Variants in WDR41 observed in about 807,000 individuals in gnomAD.
WDR41 encodes the protein WD repeat domain 41.
In WDR41, 63 loss-of-function variants were observed where a neutral mutation model predicts 69.3. That is an observed-to-expected ratio of 0.91 (90% CI 0.74 to 1.12). The LOEUF (loss-of-function observed/expected upper bound fraction) is 1.12, where lower values mean the gene tolerates loss of function less well. WDR41 is among the 50% of genes most tolerant of loss of function. The probability of loss-of-function intolerance (pLI) is 0.00; values close to 1 mark genes in which losing one functional copy is unlikely to be tolerated. For synonymous variants in WDR41, 185 were observed against 192.1 expected, an observed-to-expected ratio of 0.96 and a Z score of 0.31; for missense variants, 543 against 534.5, an observed-to-expected ratio of 1.02 and a Z score of -0.16.
intron 1 of WDR41, among the ~76,000 whole-genome samples, chr5:77,508,700 A>C (rs1461555832): frequency 6.6e-6 from 1 of 152,118 alleles, no homozygotes. Flanking sequence ...ATTGTTTGAC[A>C]CTAGATACTT....
chr5:77,606,914 A>G (rs1323331867), intron 1 of WDR41, among the ~76,000 whole-genome samples: 1 of 151,744 alleles, frequency 6.6e-6, no homozygotes, highest in Non-Finnish European at 1.5e-5. Context: ...AGAAAAAAAA[A>G]AAAAAAAAGC....
intron 1 of WDR41, chr5:77,583,059 A>G: frequency 1.9e-6 from 3 of 1,596,012 alleles, no homozygotes; most frequent in Non-Finnish European, 2.5e-6. Flanking sequence ...CCCATTTTGT[A>G]GAAGGTAGAG....
In WDR41 at chr5:77,516,657, T is replaced by G. The variant is rs540663548; in HGVS notation, c.43-27085A>C. On this transcript the variant is annotated intron_variant, in intron 1 of 5. Coordinates refer to the WDR41 transcript ENST00000509971. ...TTATGACCCAAGACAATAGCACCTATGTTCAAACAGCAGAATTGATGAAGG... is the reference window on the plus strand; with the variant it reads ...TTATGACCCAAGACAATAGCACCTAGGTTCAAACAGCAGAATTGATGAAGG... Among the ~76,000 whole-genome samples the G allele has an allele frequency of 2.0e-5, 3 of 152,326 alleles. No homozygotes were observed. In the South Asian group the frequency reaches 6.2e-4, roughly 32 times the overall value.
At chr5:77,461,099 G>T (rs1365520779) in intron 4 of WDR41, among the ~76,000 whole-genome samples, 1 of 152,096 alleles carries the variant, frequency 6.6e-6, no homozygotes, top group Non-Finnish European at 1.5e-5. Flanking sequence ...TCAAAATATT[G>T]CTATAGTGTC....
rs1267988199 is a variant in WDR41, at chr5:77,520,160, G to T, written c.43-30588C>A. 3.9e-5 allele frequency among the ~76,000 whole-genome samples: 6 copies of T among 152,000 alleles called. No individual in the cohort carries two copies. The South Asian group carries it at 1.2e-3, about 32-fold the overall frequency. Reference sequence around the variant, plus strand: ...TCTGACAGAGTTCCAGGCCCATTTAGAATGGATTGATTAAATAAAATTAAT... The same window carrying T: ...TCTGACAGAGTTCCAGGCCCATTTATAATGGATTGATTAAATAAAATTAAT... On this transcript the variant is annotated intron_variant, in intron 1 of 5. Transcript: ENST00000509971.
chr5:77,448,892 C>CAAACAA, intron 8 of WDR41, among the ~76,000 whole-genome samples: 1 of 134,582 alleles, frequency 7.4e-6, no homozygotes, highest in South Asian at 2.4e-4. Flanking sequence ...AACAAACAAA[C>CAAACAA]ACAAACAAAA....
intron 1 of WDR41, among the ~76,000 whole-genome samples, chr5:77,612,259 A>C (rs1000525003): frequency 2.0e-5 from 3 of 152,362 alleles, no homozygotes; most frequent in Admixed American, 2.0e-4. Context: ...TCCAATCAAT[A>C]GAAAAAGAGG....
chr5:77,548,918 G>C (rs947518937), intron 1 of WDR41, among the ~76,000 whole-genome samples: 1 of 152,008 alleles, frequency 6.6e-6, no homozygotes, highest in Non-Finnish European at 1.5e-5. Context: ...AAAAACTGTG[G>C]TATATGTATA....
intron 1 of WDR41, among the ~76,000 whole-genome samples, chr5:77,618,312 ACT>A (rs1348502630): frequency 6.6e-6 from 1 of 152,042 alleles, no homozygotes; most frequent in Non-Finnish European, 1.5e-5. Flanking sequence ...CTGTATGAAC[ACT>A]CTGATGCTCT....
At chr5:77,575,463 T>A (rs1038290017) in intron 1 of WDR41, among the ~76,000 whole-genome samples, 2 of 152,166 alleles carry the variant, frequency 1.3e-5, no homozygotes, top group African/African-American at 2.4e-5. Flanking sequence ...TGGTAAGGAT[T>A]TTAGTGGTGA....
intron 1 of WDR41, among the ~76,000 whole-genome samples, chr5:77,580,072 TGATAGATA>T (rs144055099): frequency 0.013 from 1,961 of 152,116 alleles, 35 homozygotes; most frequent in African/African-American, 0.045. Context: ...AGAGTAACAT[TGATAGATA>T]GATAGATTAG....
At chr5:77,465,721 C>CTT (rs34003396) in intron 2 of WDR41, among the ~76,000 whole-genome samples, 3 of 144,006 alleles carry the variant, frequency 2.1e-5, no homozygotes, top group African/African-American at 2.5e-5. Flanking sequence ...CAAATTCAGG[C>CTT]TTTTTTTTTT....
At chr5:77,484,353 AAAC>A (rs2112087842) in intron 2 of WDR41, among the ~76,000 whole-genome samples, 1 of 152,348 alleles carries the variant, frequency 6.6e-6, no homozygotes, top group East Asian at 1.9e-4. Context: ...GCACGATGCA[AAAC>A]AACAGAAATT....
chr5:77,517,468 C>A (rs1204277804), intron 1 of WDR41, among the ~76,000 whole-genome samples: 1 of 152,126 alleles, frequency 6.6e-6, no homozygotes, highest in African/African-American at 2.4e-5. Flanking sequence ...TGCAGCTAGA[C>A]CATGCTTAGT....
At chr5:77,497,696 C>T (rs1358697659) in intron 1 of WDR41, among the ~76,000 whole-genome samples, 2 of 151,538 alleles carry the variant, frequency 1.3e-5, no homozygotes, top group African/African-American at 2.4e-5. Flanking sequence ...TAGCAACCCT[C>T]GAAAGTTAAA....
intron 1 of WDR41, among the ~76,000 whole-genome samples, chr5:77,510,932 C>T (rs2112172061): frequency 6.6e-6 from 1 of 151,936 alleles, no homozygotes; most frequent in South Asian, 2.1e-4. Flanking sequence ...CCACCACACT[C>T]AGCTATTTTT....
At chr5:77,474,071 G>T (rs968790006) in intron 2 of WDR41, among the ~76,000 whole-genome samples, 1 of 152,162 alleles carries the variant, frequency 6.6e-6, no homozygotes, top group Admixed American at 6.5e-5. Flanking sequence ...TTAAGAAAAT[G>T]TGGCACATAT....
chr5:77,480,892 C>A (rs927160569), intron 2 of WDR41, among the ~76,000 whole-genome samples: 4 of 151,792 alleles, frequency 2.6e-5, no homozygotes, highest in Non-Finnish European at 4.4e-5. Flanking sequence ...ATTAGGTGAA[C>A]CTCCATTCCC....
chr5:77,597,744 A>C, intron 1 of WDR41, among the ~76,000 whole-genome samples: 1 of 152,222 alleles, frequency 6.6e-6, no homozygotes, highest in Non-Finnish European at 1.5e-5. Context: ...GAATGAATGA[A>C]TGTACCCCAT....
Sources: gnomAD v4.1 joint callset for allele counts (sites outside exome capture counted in the v4.1 genomes callset) on GRCh38, gnomAD v4.1.1 for gene constraint, MANE v1.5 for transcripts, NCBI Gene and HGNC (gene_info 2026-07-23, HGNC 2026-07-21) for gene names.